Variants in CNTN2 observed in about 807,000 individuals in gnomAD.
The protein encoded by CNTN2 is contactin-2.
In CNTN2, 53 loss-of-function variants were observed where a neutral mutation model predicts 117.5. That is an observed-to-expected ratio of 0.45 (90% CI 0.36 to 0.57). The LOEUF (loss-of-function observed/expected upper bound fraction) is 0.57. CNTN2 is among the 20% of genes least tolerant of loss of function. CNTN2 has a pLI of 0.00. For missense variants in CNTN2, 1,106 were observed against 1,404.3 expected, an observed-to-expected ratio of 0.79 and a Z score of 3.39; for synonymous variants, 530 against 561.7, an observed-to-expected ratio of 0.94 and a Z score of 0.80.
At chr1:205,053,376 T>C (rs1363586896) in intron 2 of CNTN2, 121 bp downstream of exon 2, 7 of 736,900 alleles carry the variant, frequency 9.5e-6, no homozygotes, top group Non-Finnish European at 1.4e-5. Flanking sequence ...CAGCTAGATT[T>C]CTGAGGCCAT....
rs1653860952 is a variant in CNTN2 at position 205,059,608 on chromosome 1, C to G, written c.723C>G (p.Ile241Met). ...AEDTRLFAPS[I>M]KARFPAETYA... Reference sequence around the variant, plus strand: ...ATACCCGGCTCTTTGCACCCAGCATCAAGGCCCGGTTCCCAGCAGAGACCT... The same window carrying G: ...ATACCCGGCTCTTTGCACCCAGCATGAAGGCCCGGTTCCCAGCAGAGACCT... The change falls in exon 7 of 23, where the codon ATC becomes ATG. Residue 241 changes from isoleucine (I) to methionine (M), a missense_variant. Physicochemically the swap from Ile to Met is conservative, Grantham distance 10. Transcript: ENST00000331830. This position sits in a 1 kb window ranked among gnomAD's most constrained non-coding sequence, Gnocchi z 5.6. The G allele has an allele frequency of 1.1e-5, 18 of 1,614,236 alleles. No individual in the cohort carries two copies. Among genetic ancestry groups the G allele is most frequent in the Non-Finnish European group, 1.3e-5 (15 of 1,180,044 alleles).
At chr1:205,050,663 G>A in intron 1 of CNTN2, among the ~76,000 whole-genome samples, 1 of 152,068 alleles carries the variant, frequency 6.6e-6, no homozygotes, top group Non-Finnish European at 1.5e-5. Context: ...TTGTTGCCCA[G>A]GCTGCAGTGC....
Position 205,065,090 on chromosome 1 carries a change from C to G in CNTN2, c.1523C>G (p.Ala508Gly), listed in dbSNP as rs2151194777. The G allele has an allele frequency of 6.2e-7, 1 of 1,613,892 alleles. No individual in the cohort carries two copies. The highest frequency in any genetic ancestry group is 8.5e-7 in the Non-Finnish European group (1 of 1,179,926). ...NSTGILSVRDATKITLAPSSA... is the reference protein window; with the variant it reads ...NSTGILSVRDGTKITLAPSSA... Reference sequence around the variant, plus strand: ...AGGGCCTTGTTTTTCTTGGCAGATGCAACCAAAATCACTCTAGCCCCCTCA... The same window carrying G: ...AGGGCCTTGTTTTTCTTGGCAGATGGAACCAAAATCACTCTAGCCCCCTCA... Residue 508 changes from alanine to glycine, a missense_variant, in exon 13 of 23, where the codon GCA becomes GGA. By Grantham distance (60) the Ala-to-Gly change is moderately conservative (BLOSUM62 0). Coordinates refer to ENST00000331830, the MANE Select transcript of CNTN2 (RefSeq NM_005076.5). The surrounding 1 kb of genome is among the most constrained non-coding windows in gnomAD (Gnocchi z 4.1).
At chr1:205,052,753 C>T (rs976596176) in intron 1 of CNTN2, among the ~76,000 whole-genome samples, 1 of 152,234 alleles carries the variant, frequency 6.6e-6, no homozygotes, top group Admixed American at 6.5e-5. Context: ...GTCCTGTTCT[C>T]TTCCGGCCTC....
At chr1:205,046,450 C>A (rs906862437) in intron 1 of CNTN2, among the ~76,000 whole-genome samples, 1 of 152,336 alleles carries the variant, frequency 6.6e-6, no homozygotes, top group South Asian at 2.1e-4. Flanking sequence ...ACCCTGAACA[C>A]CCTGACCAAG....
Position 205,070,433 on chromosome 1 carries a change from G to A in CNTN2, c.2439G>A (p.Arg813=). Residue 813 remains arginine, a synonymous_variant, in exon 19 of 23, where the codon AGG becomes AGA. Coordinates refer to ENST00000331830, the MANE Select transcript of CNTN2 (RefSeq NM_005076.5). ...ALVYSAEEEP[R]VAPTKVWAKG... ...TTCTGTATTGGTCCCCAGAGCCCAGGGTGGCCCCTACCAAGGTGTGGGCCA... is the reference window on the plus strand; with the variant it reads ...TTCTGTATTGGTCCCCAGAGCCCAGAGTGGCCCCTACCAAGGTGTGGGCCA... 6.2e-7 allele frequency: 1 copy of A among 1,612,274 alleles called. No homozygotes were observed.
At position 205,061,960 on chromosome 1, in the gene CNTN2, AC is replaced by A; in HGVS notation, c.1070del (p.Thr357LysfsTer29). 1 of 1,612,676 alleles carries A rather than the reference AC, an allele frequency of 6.2e-7. No homozygotes were observed. The highest frequency in any genetic ancestry group is 1.1e-5 in the South Asian group (1 of 90,920). On this transcript the variant is annotated frameshift_variant, in exon 9 of 23. Coordinates refer to ENST00000331830, the MANE Select transcript of CNTN2 (RefSeq NM_005076.5). LOFTEE classifies it high-confidence loss of function. This position sits in a 1 kb window ranked among gnomAD's most constrained non-coding sequence, Gnocchi z 4.8. ...GCAAAGKPRP[T>X]VRWLRNGEPL... ...TGCAGCCGCCGGCAAGCCCCGGCCT[AC>A]AGTGCGCTGGCTGCGGAACGGGGAG... is the stretch of plus-strand genomic sequence containing the variant.
At chr1:205,054,528 G>A (rs1037326036) in intron 2 of CNTN2, among the ~76,000 whole-genome samples, 1 of 152,196 alleles carries the variant, frequency 6.6e-6, no homozygotes, top group Non-Finnish European at 1.5e-5. Flanking sequence ...GAGGGGAGGC[G>A]CCTGGGCTTC....
In CNTN2 at chr1:205,061,702, C is replaced by A; in HGVS notation, c.974-163C>A. 1 of 985,188 alleles carries A rather than the reference C, an allele frequency of 1.0e-6. No individual in the cohort carries two copies. Among genetic ancestry groups the A allele is most frequent in the Non-Finnish European group, 1.5e-6 (1 of 676,454 alleles). The allele number at this position is 985,188 out of a possible 1,614,324, so 61.0% of individuals were successfully genotyped here. A position where few individuals can be genotyped will look rare whatever the true frequency, so the allele number is the denominator to read the frequency against. ...GCCACAGAGTGCCAGCTTTCTTGTG[C>A]CTCCTTCTTCCGGCCCCCTCCTCTT... On this transcript the variant is annotated intron_variant, in intron 8 of 22. Transcript: ENST00000331830. This position sits in a 1 kb window ranked among gnomAD's most constrained non-coding sequence, Gnocchi z 4.8.
At position 205,061,967 on chromosome 1, in the gene CNTN2, G is replaced by A. The variant is rs141879956; in HGVS notation, c.1076G>A (p.Arg359His). ...AAAGKPRPTVRWLRNGEPLAS... is the reference protein window; with the variant it reads ...AAAGKPRPTVHWLRNGEPLAS... ...GCCGGCAAGCCCCGGCCTACAGTGCGCTGGCTGCGGAACGGGGAGCCTCTG... is the reference window on the plus strand; with the variant it reads ...GCCGGCAAGCCCCGGCCTACAGTGCACTGGCTGCGGAACGGGGAGCCTCTG... The change falls in exon 9 of 23, where the codon CGC (arginine) becomes CAC (histidine). Residue 359 changes from arginine to histidine, a missense_variant. Arg to His is a conservative substitution (Grantham distance 29). Transcript: ENST00000331830. This position sits in a 1 kb window ranked among gnomAD's most constrained non-coding sequence, Gnocchi z 4.8. 5.0e-6 allele frequency: 8 copies of A among 1,612,992 alleles called. No individual in the cohort carries two copies. In the Admixed American group the frequency reaches 8.3e-5, roughly 17 times the overall value.
intron 2 of CNTN2, among the ~76,000 whole-genome samples, chr1:205,056,888 G>T (rs1424734332): frequency 1.3e-5 from 2 of 152,216 alleles, no homozygotes; most frequent in East Asian, 3.9e-4. Context: ...TGCCTGTGTG[G>T]TGCTCATTGG....
chr1:205,061,051 C>A lies in CNTN2; in HGVS notation c.798-194C>A. On this transcript the variant is annotated intron_variant, in intron 7 of 22. Coordinates refer to ENST00000331830, the MANE Select transcript of CNTN2 (RefSeq NM_005076.5). This position sits in a 1 kb window ranked among gnomAD's most constrained non-coding sequence, Gnocchi z 4.8. ...ATGGGTAGAGCAGCCCTGCCTCTTG[C>A]CCCTTCCCTGCGTGTGCTCCGAGCC... 3.3e-6 allele frequency: 2 copies of A among 599,650 alleles called. No individual in the cohort carries two copies. Among genetic ancestry groups the A allele is most frequent in the Non-Finnish European group, 5.7e-6 (2 of 348,116 alleles). The allele number at this position is 599,650 out of a possible 1,614,324, so 37.1% of individuals were successfully genotyped here.
chr1:205,053,679 C>T lies in CNTN2; in HGVS notation c.70+424C>T, dbSNP rs9787190. ...TTCCTCAGGTGCACTAGCCACATTT[C>T]GAACGTTCAGTAGCCATATTGGATA... On this transcript the variant is annotated intron_variant, in intron 2 of 22. Coordinates refer to ENST00000331830, the MANE Select transcript of CNTN2 (RefSeq NM_005076.5). 7.0e-4 allele frequency among the ~76,000 whole-genome samples: 107 copies of T among 152,322 alleles called. 3 individuals are homozygous for T. The East Asian group carries it at 0.017, about 24-fold the overall frequency.
chr1:205,070,284 C>G (rs1161813360), intron 18 of CNTN2, 142 bp from the exon 19 acceptor site: 4 of 705,870 alleles, frequency 5.7e-6, no homozygotes, highest in Non-Finnish European at 9.5e-6. Context: ...GGCCCTGGAG[C>G]ATTGCTTGGG....
intron 19 of CNTN2, among the ~76,000 whole-genome samples, chr1:205,071,730 T>G (rs1654601941): frequency 6.6e-6 from 1 of 152,194 alleles, no homozygotes; most frequent in Non-Finnish European, 1.5e-5. Flanking sequence ...ACCCATGTCT[T>G]GAGCACCTTC....
chr1:205,057,771 C>T, intron 2 of CNTN2, 150 bp from the exon 3 acceptor site: 2 of 759,746 alleles, frequency 2.6e-6, no homozygotes, highest in South Asian at 2.2e-5. Context: ...TGCTCGATAG[C>T]CCTACGTGGC....
At position 205,065,175 on chromosome 1, in the gene CNTN2, C is replaced by T. The variant is rs771101678; in HGVS notation, c.1608C>T (p.Pro536=). ...TACAGTGCCATGCCTCCCACGACCC[C>T]ACCATGGACCTCACCTTCACCTGGA... The part of the protein sequence containing the change: ...LTLQCHASHD[P]TMDLTFTWTL... The change falls in exon 13 of 23, where the codon CCC becomes CCT. Residue 536 remains proline, a synonymous_variant. Coordinates refer to ENST00000331830, the MANE Select transcript of CNTN2 (RefSeq NM_005076.5). The surrounding 1 kb of genome is among the most constrained non-coding windows in gnomAD (Gnocchi z 4.1). 9.3e-6 allele frequency: 15 copies of T among 1,614,168 alleles called. No homozygotes were observed. The Admixed American group carries it at 1.3e-4, about 14-fold the overall frequency.
chr1:205,069,976 G>C lies in CNTN2; in HGVS notation c.2346G>C (p.Thr782=), dbSNP rs1339865718. 1 of 1,613,714 alleles carries C rather than the reference G, an allele frequency of 6.2e-7. No individual in the cohort carries two copies. Residue 782 remains threonine (T), a synonymous_variant, in exon 18 of 23, where the codon ACG becomes ACC. Coordinates refer to ENST00000331830, the MANE Select transcript of CNTN2 (RefSeq NM_005076.5). ...GCAACGAGAGCGTCCGGCCCTACAC[G>C]CCCTTTGAGGTCAAGATCCGCAGCT... is the stretch of plus-strand genomic sequence containing the variant. ...VYSNESVRPY[T]PFEVKIRSYN...
At chr1:205,055,590 GA>G (rs2096459702) in intron 2 of CNTN2, among the ~76,000 whole-genome samples, 1 of 152,200 alleles carries the variant, frequency 6.6e-6, no homozygotes, top group Non-Finnish European at 1.5e-5. Context: ...CTCACTCCAA[GA>G]GATTCTGACT....
Sources: gnomAD v4.1 joint callset for allele counts (sites outside exome capture counted in the v4.1 genomes callset) on GRCh38, gnomAD v4.1.1 for gene constraint, Gnocchi (gnomAD v3.1) non-coding constraint, MANE v1.5 for transcripts, NCBI Gene and HGNC (gene_info 2026-07-23, HGNC 2026-07-21) for gene names.